The following PRDM11 variants were observed in gnomAD, a reference collection of about 807,000 sequenced individuals.
PRDM11 encodes PR domain-containing protein 11.
Under a neutral mutation model 97.8 loss-of-function variants are expected in PRDM11, and 20 were observed. That is an observed-to-expected ratio of 0.20 (90% CI 0.14 to 0.30). The LOEUF (loss-of-function observed/expected upper bound fraction) is 0.30. Among genes scored for constraint, PRDM11 ranks in the 10% least tolerant of loss-of-function variants. The pLI, the probability that PRDM11 is intolerant of heterozygous loss-of-function variation, is 1.00. For synonymous variants in PRDM11, 599 were observed against 637.7 expected, an observed-to-expected ratio of 0.94 and a Z score of 0.91; for missense variants, 1,139 against 1,555.2, an observed-to-expected ratio of 0.73 and a Z score of 4.50.
upstream of PRDM11, among the ~76,000 whole-genome samples, chr11:45,144,325 C>A (rs1469381822): frequency 6.6e-6 from 1 of 152,198 alleles, no homozygotes; most frequent in African/African-American, 2.4e-5. Context: ...TTGCTCCCCA[C>A]AGCCCCTGGA....
intron 1 of PRDM11, among the ~76,000 whole-genome samples, chr11:45,118,655 C>T (rs1043289008): frequency 1.3e-5 from 2 of 152,186 alleles, no homozygotes; most frequent in African/African-American, 4.8e-5. Context: ...GTGATAAAAG[C>T]ATTCAGCAAA....
chr11:45,201,843 G>C (rs942266717), intron 4 of PRDM11, among the ~76,000 whole-genome samples: 1 of 152,028 alleles, frequency 6.6e-6, no homozygotes, highest in Non-Finnish European at 1.5e-5. Flanking sequence ...CATGGTGGCA[G>C]GCACCCATAG....
At chr11:45,099,847 T>G (rs1851943106) in intron 1 of PRDM11, among the ~76,000 whole-genome samples, 1 of 152,250 alleles carries the variant, frequency 6.6e-6, no homozygotes. Flanking sequence ...CTGAAGCTCA[T>G]GCACTTTACT....
At chr11:45,105,107 A>G (rs1057454903) in intron 1 of PRDM11, among the ~76,000 whole-genome samples, 4 of 152,318 alleles carry the variant, frequency 2.6e-5, no homozygotes, top group Admixed American at 1.3e-4. Flanking sequence ...TCTGGTGAAG[A>G]CCCACTTTCT....
intron 1 of PRDM11, among the ~76,000 whole-genome samples, chr11:45,169,087 T>TGGGGTG (rs1337797023): frequency 6.6e-6 from 1 of 152,056 alleles, no homozygotes; most frequent in East Asian, 1.9e-4. Flanking sequence ...CTGACATGCT[T>TGGGGTG]GGGGTGGGGG....
Position 45,228,265 on chromosome 11 carries a change from T to TATATATA in PRDM11, c.*106_*107insATATATA, listed in dbSNP as rs1554976395. On this transcript the variant is annotated 3_prime_UTR_variant, in exon 8 of 8. Transcript: ENST00000683152. ...ATATATTATATTATATTATATTATA[T>TATATATA]TATATATATATATATATATAAACTC... 8 of 119,540 alleles carry TATATATA rather than the reference T, an allele frequency of 6.7e-5. No individual in the cohort carries two copies. The South Asian group carries it at 9.7e-4, about 14-fold the overall frequency. 7.4% of individuals were successfully genotyped at this position (119,540 alleles called of 1,614,324 possible).
intron 1 of PRDM11, among the ~76,000 whole-genome samples, chr11:45,157,652 T>G (rs957570611): frequency 1.3e-5 from 2 of 152,230 alleles, no homozygotes. Context: ...GGCCTCTCTT[T>G]GTCCCCTGAG....
intron 1 of PRDM11, among the ~76,000 whole-genome samples, chr11:45,155,299 GGA>G (rs1410536591): frequency 6.6e-6 from 1 of 152,216 alleles, no homozygotes; most frequent in Non-Finnish European, 1.5e-5. Flanking sequence ...GGCCGGCTTG[GGA>G]GGCTCCACGA....
chr11:45,156,359 G>A (rs1018397441), intron 1 of PRDM11, among the ~76,000 whole-genome samples: 6 of 152,256 alleles, frequency 3.9e-5, no homozygotes, highest in Non-Finnish European at 7.3e-5. Flanking sequence ...TTCATGGAGC[G>A]GCCCCTTGTG....
At chr11:45,158,797 C>T (rs1253623464) in intron 1 of PRDM11, among the ~76,000 whole-genome samples, 1 of 151,982 alleles carries the variant, frequency 6.6e-6, no homozygotes, top group Admixed American at 6.6e-5. Context: ...CTTCTCGGTG[C>T]CCCCCCTTCT....
At chr11:45,127,959 A>G (rs1413371956) in intron 1 of PRDM11, among the ~76,000 whole-genome samples, 2 of 152,246 alleles carry the variant, frequency 1.3e-5, no homozygotes, top group African/African-American at 4.8e-5. Flanking sequence ...TGGAGCCTAC[A>G]GAGGCAGGCA....
At chr11:45,139,568 C>CAAAAAAAAAAAA (rs10594529) in intron 1 of PRDM11, among the ~76,000 whole-genome samples, 1 of 91,448 alleles carries the variant, frequency 1.1e-5, no homozygotes, top group African/African-American at 4.6e-5. Context: ...CTCCAACTCA[C>CAAAAAAAAAAAA]AAAAAAAAAA....
At chr11:45,123,520 T>C (rs1476887036) in intron 1 of PRDM11, among the ~76,000 whole-genome samples, 2 of 152,108 alleles carry the variant, frequency 1.3e-5, no homozygotes, top group East Asian at 3.8e-4. Context: ...TTAATTTTTG[T>C]ATAAGGTGTA....
chr11:45,152,602 T>G (rs1851686966), intron 1 of PRDM11, among the ~76,000 whole-genome samples: 1 of 152,248 alleles, frequency 6.6e-6, no homozygotes, highest in Non-Finnish European at 1.5e-5. Context: ...CCTCAAATAC[T>G]TGTGGAATGA....
intron 1 of PRDM11, among the ~76,000 whole-genome samples, chr11:45,164,942 T>G (rs759432668): frequency 6.6e-6 from 1 of 152,146 alleles, no homozygotes; most frequent in Non-Finnish European, 1.5e-5. Context: ...TTATCCAAGG[T>G]CTATGCCTCT....
In PRDM11 at chr11:45,229,737, C is replaced by T. The variant is rs1288093470; in HGVS notation, c.*1578C>T. On this transcript the variant is annotated 3_prime_UTR_variant, in exon 8 of 8. Transcript: ENST00000683152. Reference sequence around the variant, plus strand: ...CATATTTTATATGCAGAGATCCTATCACGTGGATGCAGGTCATTTTGGGGG... The same window carrying T: ...CATATTTTATATGCAGAGATCCTATTACGTGGATGCAGGTCATTTTGGGGG... 6.6e-6 allele frequency: 1 copy of T among 152,210 alleles called. No homozygotes were observed. The allele number at this position is 152,210 out of a possible 1,614,324, so 9.4% of individuals were successfully genotyped here.
exon 1 of PRDM11, chr11:45,095,873 C>T (rs776956156): frequency 2.6e-6 from 2 of 780,526 alleles, no homozygotes; most frequent in South Asian, 1.3e-5. Flanking sequence ...CTGAGATGCT[C>T]ACCTCTCTTC....
chr11:45,163,484 A>C (rs1299740233), intron 1 of PRDM11, among the ~76,000 whole-genome samples: 1 of 29,910 alleles, frequency 3.3e-5, no homozygotes, highest in Non-Finnish European at 1.3e-4. Flanking sequence ...CAGGTGCTTG[A>C]GGATGGGGGG....
rs1274416067 is a variant in PRDM11, at chr11:45,180,516, G to A, written c.-6-1245G>A. On this transcript the variant is annotated intron_variant, in intron 1 of 7. Transcript: ENST00000683152. ...CTGGAATGCGTCCACCGCCTGACCC[G>A]GAGCGACCCCCCGCGGCGCCCTCTC... Among the ~76,000 whole-genome samples, 3 of 151,746 alleles carry A rather than the reference G, an allele frequency of 2.0e-5. No homozygotes were observed. The East Asian group carries it at 5.8e-4, about 29-fold the overall frequency.
Sources: allele counts gnomAD v4.1 joint callset (sites outside exome capture counted in the v4.1 genomes callset), GRCh38; gene constraint gnomAD v4.1.1; transcripts MANE v1.5; gene names NCBI Gene and HGNC (gene_info 2026-07-23, HGNC 2026-07-21).